EDC3: variants seen among roughly 807,000 people sequenced by gnomAD.
EDC3 encodes the protein enhancer of mRNA-decapping protein 3.
In EDC3, 20 loss-of-function variants were observed where a neutral mutation model predicts 41.8. The ratio of observed to expected loss-of-function variants is 0.48; its 90% CI spans 0.34 to 0.70. EDC3 has a LOEUF of 0.70. Among genes scored for constraint, EDC3 ranks in the 30% least tolerant of loss-of-function variants. The pLI, the probability that EDC3 is intolerant of heterozygous loss-of-function variation, is 0.01. For synonymous variants in EDC3, 206 were observed against 243.2 expected (o/e 0.85, Z 1.42); for missense variants, 444 against 636.8 (o/e 0.70, Z 3.26).
chr15:74,673,427 A>G (rs982224983), intron 2 of EDC3, among the ~76,000 whole-genome samples: 7 of 152,214 alleles, frequency 4.6e-5, no homozygotes, highest in African/African-American at 1.7e-4. Flanking sequence ...ACAAATCTAC[A>G]GGAAAACATA....
At chr15:74,647,838 G>C (rs1489160736) in intron 4 of EDC3, among the ~76,000 whole-genome samples, 1 of 152,226 alleles carries the variant, frequency 6.6e-6, no homozygotes, top group Non-Finnish European at 1.5e-5. Context: ...GTGAAAAGTT[G>C]TGACACTTCG....
chr15:74,676,575 T>C (rs1464907046), intron 1 of EDC3, among the ~76,000 whole-genome samples: 1 of 152,124 alleles, frequency 6.6e-6, no homozygotes, highest in Admixed American at 6.6e-5. Context: ...ATTTGACAAC[T>C]AGACAAAATG....
chr15:74,656,038 G>T lies in EDC3; in HGVS notation c.515C>A (p.Ala172Glu), dbSNP rs758925076. The change falls in exon 4 of 7, where the codon GCA (alanine) becomes GAA (glutamate). Residue 172 changes from alanine (A) to glutamate (E), a missense_variant. By Grantham distance (107) the Ala-to-Glu change is moderately radical. Coordinates refer to ENST00000315127, the MANE Select transcript of EDC3 (RefSeq NM_025083.5). ...WSSSSRHPNQ[A>E]TPKKSGLKNG... Reference sequence around the variant, plus strand: ...CTTTAAACCACTTTTCTTGGGAGTTGCCTGATTTGGGTGCCTGCTACTAGA... The same window carrying T: ...CTTTAAACCACTTTTCTTGGGAGTTTCCTGATTTGGGTGCCTGCTACTAGA... The T allele has an allele frequency of 1.2e-6, 2 of 1,612,264 alleles. No homozygotes were observed. The highest frequency in any genetic ancestry group is 1.7e-6 in the Non-Finnish European group (2 of 1,179,032).
At chr15:74,633,880 T>G (rs955209203) in intron 6 of EDC3, among the ~76,000 whole-genome samples, 1 of 152,160 alleles carries the variant, frequency 6.6e-6, no homozygotes, top group African/African-American at 2.4e-5. Context: ...TTGCTTAGAA[T>G]GTGCCACCGG....
chr15:74,689,087 T>C (rs1343546816), intron 1 of EDC3, among the ~76,000 whole-genome samples: 2 of 152,172 alleles, frequency 1.3e-5, no homozygotes, highest in African/African-American at 4.8e-5. Context: ...ATAATATTCT[T>C]AAACTGTATA....
chr15:74,632,851 C>T lies in EDC3; in HGVS notation c.1288G>A (p.Ala430Thr). The T allele has an allele frequency of 6.2e-7, 1 of 1,614,226 alleles. No homozygotes were observed. The highest frequency in any genetic ancestry group is 8.5e-7 in the Non-Finnish European group (1 of 1,180,040). Residue 430 changes from alanine to threonine, a missense_variant, in exon 7 of 7, where the codon GCC becomes ACC. Around this residue, in one of 3 missense-constraint regions of EDC3, gnomAD observed 242 missense variants for 363.8 expected, o/e 0.67. Coordinates refer to ENST00000315127, the MANE Select transcript of EDC3 (RefSeq NM_025083.5). This position sits in a 1 kb window ranked among gnomAD's most constrained non-coding sequence, Gnocchi z 4.0. Reference sequence around the variant, plus strand: ...GGTGCCCGGTTCTGGTTGGCCCAGGCCACAGCTGCCTTGTACCAGGGTTGA... The same window carrying T: ...GGTGCCCGGTTCTGGTTGGCCCAGGTCACAGCTGCCTTGTACCAGGGTTGA... ...RDQPWYKAAV[A>T]WANQNRAPVL...
intron 3 of EDC3, among the ~76,000 whole-genome samples, chr15:74,657,456 T>G (rs891677989): frequency 6.6e-6 from 1 of 152,240 alleles, no homozygotes; most frequent in African/African-American, 2.4e-5. Flanking sequence ...AGTTCCTGCC[T>G]TGTTCTCTCG....
intron 5 of EDC3, 168 bp from the exon 6 acceptor site, chr15:74,635,794 G>A (rs1309980406): frequency 3.1e-6 from 2 of 641,422 alleles, no homozygotes; most frequent in Admixed American, 5.9e-5. Context: ...AGGTCTATAG[G>A]GTGGCACTCC....
chr15:74,672,283 AAAAAAG>A (rs1422169356), intron 2 of EDC3, among the ~76,000 whole-genome samples: 5 of 143,194 alleles, frequency 3.5e-5, no homozygotes, highest in Admixed American at 2.9e-4. Context: ...AAAAAAAAAA[AAAAAAG>A]AGAGGCTATT....
At chr15:74,690,107 C>CA (rs904279702) in intron 1 of EDC3, among the ~76,000 whole-genome samples, 4 of 152,064 alleles carry the variant, frequency 2.6e-5, no homozygotes, top group African/African-American at 9.7e-5. Flanking sequence ...TTAAATATTT[C>CA]AAAAAAATGC....
At chr15:74,636,769 A>G (rs573724914) in intron 5 of EDC3, 3 of 152,314 alleles carry the variant, frequency 2.0e-5, no homozygotes, top group African/African-American at 7.2e-5. Flanking sequence ...ACACCAAACC[A>G]TTCGCCTTCC....
intron 1 of EDC3, among the ~76,000 whole-genome samples, chr15:74,690,426 A>C (rs2062994293): frequency 6.6e-6 from 1 of 152,174 alleles, no homozygotes; most frequent in Non-Finnish European, 1.5e-5. Context: ...CATAAATTAC[A>C]AATAAACAAG....
intron 3 of EDC3, among the ~76,000 whole-genome samples, chr15:74,665,884 G>A (rs192768066): frequency 4.1e-5 from 6 of 148,136 alleles, no homozygotes; most frequent in African/African-American, 7.5e-5. Context: ...TGCAACCTCC[G>A]ACTCCCAGGT....
Position 74,670,010 on chromosome 15 carries a change from ATTTTTTTTTTTTT to A in EDC3, c.484+1432_484+1444del, listed in dbSNP as rs757043746. On this transcript the variant is annotated intron_variant, in intron 3 of 6. Coordinates refer to ENST00000315127, the MANE Select transcript of EDC3 (RefSeq NM_025083.5). Reference sequence around the variant, plus strand: ...AGGTGCACGCTGCCACGCCCAGCTAATTTTTTTTTTTTTTTTTTTTTTTTTTTTGTAGGGATGG... The same window carrying A: ...AGGTGCACGCTGCCACGCCCAGCTAATTTTTTTTTTTTTTTGTAGGGATGG... Among the ~76,000 whole-genome samples the A allele has an allele frequency of 9.7e-3, 1,131 of 116,414 alleles. 22 individuals carry two copies. The highest frequency in any genetic ancestry group is 0.036 in the African/African-American group (1,034 of 28,414). The allele number at this position is 116,414 out of a possible 152,430, so 76.4% of individuals were successfully genotyped here.
intron 3 of EDC3, among the ~76,000 whole-genome samples, chr15:74,664,358 A>G (rs2062654939): frequency 6.6e-6 from 1 of 152,242 alleles, no homozygotes; most frequent in East Asian, 1.9e-4. Flanking sequence ...TGGAAAAGAC[A>G]AACAGTCTTC....
intron 3 of EDC3, among the ~76,000 whole-genome samples, chr15:74,662,917 CAAA>C (rs973887375): frequency 2.6e-5 from 4 of 152,114 alleles, no homozygotes; most frequent in Non-Finnish European, 5.9e-5. Context: ...TCCAAAGACC[CAAA>C]TACTCTGAAG....
chr15:74,695,228 G>A (rs755388681), intron 1 of EDC3: 7 of 152,060 alleles, frequency 4.6e-5, no homozygotes, highest in Non-Finnish European at 8.8e-5. Flanking sequence ...TTGCTATTGG[G>A]AGATTAACTG....
At chr15:74,636,069 T>C (rs1213969867) in intron 5 of EDC3, 4 of 170,462 alleles carry the variant, frequency 2.3e-5, no homozygotes, top group Non-Finnish European at 3.8e-5. Context: ...CCTTTCACTT[T>C]CCAAACTCTG....
At position 74,632,523 on chromosome 15, in the gene EDC3, T is replaced by C; in HGVS notation, c.*89A>G. ...AAACAAACCCAAAAGAGAAAAAACTTTAACAAGGTCCATGAAGCTTCATAT... is the reference window on the plus strand; with the variant it reads ...AAACAAACCCAAAAGAGAAAAAACTCTAACAAGGTCCATGAAGCTTCATAT... On this transcript the variant is annotated 3_prime_UTR_variant, in exon 7 of 7. Transcript: ENST00000315127. The surrounding 1 kb of genome is among the most constrained non-coding windows in gnomAD (Gnocchi z 4.0). The C allele has an allele frequency of 6.9e-7, 1 of 1,452,046 alleles. No individual in the cohort carries two copies. The highest frequency in any genetic ancestry group is 1.3e-5 in the South Asian group (1 of 76,474). The allele number at this position is 1,452,046 out of a possible 1,614,324, so 89.9% of individuals were successfully genotyped here. A position where few individuals can be genotyped will look rare whatever the true frequency, so the allele number is the denominator to read the frequency against.
Sources: allele counts gnomAD v4.1 joint callset (sites outside exome capture counted in the v4.1 genomes callset), GRCh38; gene constraint gnomAD v4.1.1; regional missense constraint gnomAD v4.1.1; non-coding constraint Gnocchi (gnomAD v3.1); transcripts MANE v1.5; gene names NCBI Gene and HGNC (gene_info 2026-07-23, HGNC 2026-07-21).